The following HS3ST4 variants were observed in gnomAD, a reference collection of about 807,000 sequenced individuals.
HS3ST4 encodes the protein heparan sulfate glucosamine 3-O-sulfotransferase 4.
In HS3ST4, 17 loss-of-function variants were observed where a neutral mutation model predicts 29.2. The observed-to-expected ratio is 0.58, with a 90% CI of 0.40 to 0.87. The LOEUF (loss-of-function observed/expected upper bound fraction) is 0.87. HS3ST4 is among the 40% of genes least tolerant of loss of function. HS3ST4 has a pLI of 0.00. For missense variants in HS3ST4, 627 were observed against 634.5 expected, an observed-to-expected ratio of 0.99 and a Z score of 0.13; for synonymous variants, 314 against 285.7, an observed-to-expected ratio of 1.10 and a Z score of -1.00.
At chr16:26,013,815 C>G (rs1446896357) in intron 1 of HS3ST4, among the ~76,000 whole-genome samples, 1 of 152,010 alleles carries the variant, frequency 6.6e-6, no homozygotes, top group African/African-American at 2.4e-5. Context: ...CGAGACCATC[C>G]TGGCCAACAT....
intron 1 of HS3ST4, among the ~76,000 whole-genome samples, chr16:26,056,554 C>T (rs1401103796): frequency 2.0e-5 from 3 of 152,206 alleles, no homozygotes. Flanking sequence ...TGTGTTTAGA[C>T]AGTGCTCTTC....
chr16:25,911,090 G>C (rs1372532436), intron 1 of HS3ST4, among the ~76,000 whole-genome samples: 3 of 152,182 alleles, frequency 2.0e-5, no homozygotes, highest in Non-Finnish European at 4.4e-5. Context: ...GCAGTTTATT[G>C]TATTGAGAAA....
At chr16:25,762,566 C>T (rs377729898) in intron 1 of HS3ST4, among the ~76,000 whole-genome samples, 191 of 152,122 alleles carry the variant, frequency 1.3e-3, no homozygotes, top group African/African-American at 1.4e-3. Flanking sequence ...AAATGCCAAA[C>T]GTGGCCAGGC....
chr16:25,813,395 C>G (rs938958306), intron 1 of HS3ST4, among the ~76,000 whole-genome samples: 1 of 151,938 alleles, frequency 6.6e-6, no homozygotes, highest in Non-Finnish European at 1.5e-5. Flanking sequence ...GAGGCTGAGG[C>G]GGGCGGATCA....
At chr16:25,946,552 G>A (rs1968628090) in intron 1 of HS3ST4, among the ~76,000 whole-genome samples, 1 of 152,194 alleles carries the variant, frequency 6.6e-6, no homozygotes, top group Non-Finnish European at 1.5e-5. Context: ...CAATGTGCCA[G>A]GGAGTGTGCA....
chr16:25,819,848 T>G (rs1967129539), intron 1 of HS3ST4, among the ~76,000 whole-genome samples: 1 of 150,620 alleles, frequency 6.6e-6, no homozygotes, highest in African/African-American at 2.4e-5. Context: ...CCGTCTCTAT[T>G]AAAAATACAA....
chr16:25,880,306 C>A (rs1023731518), intron 1 of HS3ST4, among the ~76,000 whole-genome samples: 1 of 152,060 alleles, frequency 6.6e-6, no homozygotes, highest in South Asian at 2.1e-4. Flanking sequence ...CATTTAGTGT[C>A]CCTCCCAGAG....
intron 1 of HS3ST4, among the ~76,000 whole-genome samples, chr16:25,698,868 T>C (rs1966316540): frequency 6.6e-6 from 1 of 152,060 alleles, no homozygotes; most frequent in Non-Finnish European, 1.5e-5. Flanking sequence ...ATGAGCGAGG[T>C]AGACTAGGTG....
intron 1 of HS3ST4, among the ~76,000 whole-genome samples, chr16:25,710,747 T>G (rs921664437): frequency 6.6e-6 from 1 of 151,600 alleles, no homozygotes; most frequent in Non-Finnish European, 1.5e-5. Context: ...AAAAGCAGAT[T>G]GTACAGAAAG....
intron 1 of HS3ST4, among the ~76,000 whole-genome samples, chr16:26,073,565 G>A (rs1898626028): frequency 6.6e-6 from 1 of 152,046 alleles, no homozygotes; most frequent in African/African-American, 2.4e-5. Flanking sequence ...TAGAGACAGG[G>A]TCTCACTATG....
intron 1 of HS3ST4, among the ~76,000 whole-genome samples, chr16:26,011,661 A>G (rs938482601): frequency 2.6e-5 from 4 of 151,676 alleles, no homozygotes; most frequent in Non-Finnish European, 4.4e-5. Flanking sequence ...TGACAATGTC[A>G]TAACAGGTAT....
chr16:25,984,699 A>G (rs1001196903), intron 1 of HS3ST4, among the ~76,000 whole-genome samples: 8 of 152,234 alleles, frequency 5.3e-5, no homozygotes, highest in Admixed American at 3.9e-4. Context: ...ACTAAACATA[A>G]TGCCCTCCAG....
At chr16:26,060,509 C>T (rs759509377) in intron 1 of HS3ST4, among the ~76,000 whole-genome samples, 2 of 152,108 alleles carry the variant, frequency 1.3e-5, no homozygotes, top group South Asian at 2.1e-4. Flanking sequence ...TTCAGATACT[C>T]GTCATCTTTT....
At chr16:26,061,292 C>T (rs541155844) in intron 1 of HS3ST4, among the ~76,000 whole-genome samples, 6 of 152,326 alleles carry the variant, frequency 3.9e-5, no homozygotes, top group East Asian at 3.9e-4. Context: ...GTGGAAAACA[C>T]GTTGTCTTCC....
chr16:26,005,386 A>C (rs1289688101), intron 1 of HS3ST4, among the ~76,000 whole-genome samples: 1 of 152,296 alleles, frequency 6.6e-6, no homozygotes, highest in South Asian at 2.1e-4. Flanking sequence ...TTCCACACTA[A>C]GTGACGGGAG....
intron 1 of HS3ST4, among the ~76,000 whole-genome samples, chr16:25,854,177 T>C (rs1351412391): frequency 6.6e-6 from 1 of 152,044 alleles, no homozygotes; most frequent in Non-Finnish European, 1.5e-5. Context: ...GGCACAATGA[T>C]AGCTCACTGC....
intron 1 of HS3ST4, among the ~76,000 whole-genome samples, chr16:25,734,568 A>G (rs191269197): frequency 6.6e-6 from 1 of 152,246 alleles, no homozygotes; most frequent in African/African-American, 2.4e-5. Flanking sequence ...CTGGGGTATG[A>G]TGGAGCTCAG....
chr16:25,911,049 G>A (rs140814227), intron 1 of HS3ST4, among the ~76,000 whole-genome samples: 52 of 152,282 alleles, frequency 3.4e-4, no homozygotes, highest in Non-Finnish European at 4.7e-4. Context: ...TGGCAATGGA[G>A]CTGTAAGGGC....
intron 1 of HS3ST4, among the ~76,000 whole-genome samples, chr16:25,903,708 T>C (rs546665165): frequency 1.3e-5 from 2 of 152,276 alleles, no homozygotes; most frequent in African/African-American, 4.8e-5. Flanking sequence ...GCTTCCTGCA[T>C]GCTAGGCTTT....
Sources: gnomAD v4.1 joint callset for allele counts (sites outside exome capture counted in the v4.1 genomes callset) on GRCh38, gnomAD v4.1.1 for gene constraint, MANE v1.5 for transcripts, NCBI Gene and HGNC (gene_info 2026-07-23, HGNC 2026-07-21) for gene names.